CDH23: variants seen among roughly 807,000 people sequenced by gnomAD.
CDH23 encodes the protein cadherin-23.
CDH23 carries 189 observed loss-of-function variants against 317.1 expected under a neutral mutation model. The ratio of observed to expected loss-of-function variants is 0.60; its 90% CI spans 0.53 to 0.67. CDH23 has a LOEUF of 0.67. CDH23 is among the 30% of genes least tolerant of loss of function. CDH23 has a pLI of 0.00. For missense variants in CDH23, 4,401 were observed against 4,592.4 expected (o/e 0.96, Z 1.20); for synonymous variants, 1,839 against 1,876.8 (o/e 0.98, Z 0.52).
Position 71,740,922 on chromosome 10 carries a change from C to T in CDH23, c.4589C>T (p.Pro1530Leu), listed in dbSNP as rs554938323. ...INDNPPVIES[P>L]FGYNVSVNEN... The stretch of plus-strand genomic sequence containing the variant: ...GACAACCCTCCAGTCATCGAGAGCC[C>T]CTTTGGATACAATGTCAGTGTGAAT... The change falls in exon 37 of 70, where the codon CCC becomes CTC. Residue 1530 changes from proline to leucine, a missense_variant. Transcript: ENST00000224721. The T allele has an allele frequency of 5.7e-4, 917 of 1,613,946 alleles. 13 individuals are homozygous for T. In the South Asian group the frequency reaches 9.5e-3, roughly 17 times the overall value.
intron 17 of CDH23, among the ~76,000 whole-genome samples, chr10:71,680,851 CAG>C (rs1366325900): frequency 6.8e-5 from 4 of 58,708 alleles, no homozygotes; most frequent in Non-Finnish European, 1.0e-4. Context: ...TTTTTTGAGA[CAG>C]AGTTTTACTC....
At chr10:71,511,237 GA>G in intron 6 of CDH23, 25 bp downstream of exon 6, 2 of 1,592,592 alleles carry the variant, frequency 1.3e-6, no homozygotes, top group Non-Finnish European at 1.7e-6. Flanking sequence ...GGTTACCCTT[GA>G]GGGTATCAGA....
Position 71,805,972 on chromosome 10 carries a change from A to G in CDH23, c.8039A>G (p.Asp2680Gly). ...SGLIQTAQRL[D>G]RESQAVYSLI... ...CTCATCCAGACTGCTCAGCGCCTGG[A>G]CCGCGAGTCGCAGGCGGTGTACAGC... The change falls in exon 56 of 70, where the codon GAC (aspartate) becomes GGC (glycine). Residue 2680 changes from aspartate (D) to glycine (G), a missense_variant. Asp to Gly is a moderately conservative substitution (Grantham distance 94, BLOSUM62 -1). Coordinates refer to ENST00000224721, the MANE Select transcript of CDH23 (RefSeq NM_022124.6). The G allele has an allele frequency of 6.8e-7, 1 of 1,461,368 alleles. No homozygotes were observed. Among genetic ancestry groups the G allele is most frequent in the Non-Finnish European group, 9.2e-7 (1 of 1,087,442 alleles). The allele number at this position is 1,461,368 out of a possible 1,614,324, so 90.5% of individuals were successfully genotyped here.
chr10:71,565,305 A>G (rs1166041195), intron 6 of CDH23, among the ~76,000 whole-genome samples: 4 of 152,152 alleles, frequency 2.6e-5, no homozygotes, highest in African/African-American at 7.2e-5. Context: ...CGAAAATTGT[A>G]TTATCAGAGC....
intron 6 of CDH23, among the ~76,000 whole-genome samples, chr10:71,531,050 A>T (rs918288055): frequency 1.3e-5 from 2 of 152,148 alleles, no homozygotes; most frequent in Non-Finnish European, 2.9e-5. Context: ...AATTCCTCCT[A>T]TGTCAAGCTG....
chr10:71,755,407 G>C (rs769610380), intron 38 of CDH23: 45 of 1,613,374 alleles, frequency 2.8e-5, no homozygotes, highest in Non-Finnish European at 3.6e-5. Context: ...AGCAGGATGA[G>C]GGGGAGGCAG....
chr10:71,455,910 G>T (rs1315312441), intron 3 of CDH23, among the ~76,000 whole-genome samples: 6 of 152,198 alleles, frequency 3.9e-5, no homozygotes, highest in Non-Finnish European at 8.8e-5. Flanking sequence ...AGGGTCCCTA[G>T]TGAGTTACTG....
intron 39 of CDH23, 106 bp downstream of exon 39, chr10:71,778,007 G>A (rs1381382805): frequency 1.4e-6 from 2 of 1,443,472 alleles, no homozygotes; most frequent in Non-Finnish European, 1.9e-6. Context: ...CAGTCTAGGG[G>A]AAACTGTGGG....
chr10:71,411,851 A>T (rs1272686958), intron 1 of CDH23, among the ~76,000 whole-genome samples: 2 of 152,322 alleles, frequency 1.3e-5, no homozygotes, highest in East Asian at 3.9e-4. Flanking sequence ...TTCAGTGTGC[A>T]GTTCAGTGGC....
chr10:71,680,746 C>CAAAA (rs1234418702), intron 17 of CDH23, among the ~76,000 whole-genome samples: 1 of 15,930 alleles, frequency 6.3e-5, no homozygotes, highest in African/African-American at 1.7e-4. Context: ...CACTCCGTCT[C>CAAAA]AAAAAAAAAA....
intron 6 of CDH23, among the ~76,000 whole-genome samples, chr10:71,511,471 G>A (rs1228252815): frequency 6.7e-6 from 1 of 149,928 alleles, no homozygotes; most frequent in Non-Finnish European, 1.5e-5. Flanking sequence ...TCCAGCTGGA[G>A]TCAATGGTGG....
At chr10:71,776,942 G>A (rs1037659882) in intron 38 of CDH23, among the ~76,000 whole-genome samples, 1 of 152,236 alleles carries the variant, frequency 6.6e-6, no homozygotes, top group Non-Finnish European at 1.5e-5. Flanking sequence ...GCAGGAGCAA[G>A]AACCATTTCT....
chr10:71,668,062 G>C (rs1226378407), intron 14 of CDH23, among the ~76,000 whole-genome samples: 1 of 152,122 alleles, frequency 6.6e-6, no homozygotes, highest in Non-Finnish European at 1.5e-5. Flanking sequence ...GGATGGGGTG[G>C]AGTCCTTCTT....
At chr10:71,733,083 C>T (rs1839444047) in intron 32 of CDH23, among the ~76,000 whole-genome samples, 1 of 152,210 alleles carries the variant, frequency 6.6e-6, no homozygotes, top group Admixed American at 6.5e-5. Flanking sequence ...CTGGCTAAAT[C>T]AGAGTTCCCA....
chr10:71,613,172 A>G (rs1460250510), intron 9 of CDH23, among the ~76,000 whole-genome samples: 4 of 152,242 alleles, frequency 2.6e-5, no homozygotes, highest in African/African-American at 9.6e-5. Flanking sequence ...GAGAAGCACA[A>G]TAACTGTTTG....
intron 9 of CDH23, among the ~76,000 whole-genome samples, chr10:71,583,227 A>G (rs1418583497): frequency 1.5e-5 from 2 of 132,642 alleles, no homozygotes; most frequent in Non-Finnish European, 3.2e-5. Flanking sequence ...GTGGCCGGGC[A>G]GAGTGCACAG....
chr10:71,734,694 T>C (rs1338996724), intron 34 of CDH23, 36 bp downstream of exon 34: 4 of 1,348,234 alleles, frequency 3.0e-6, no homozygotes, highest in Non-Finnish European at 4.0e-6. Flanking sequence ...CCCTGTGCTG[T>C]TGGCTGTGGC....
At chr10:71,521,148 G>A (rs1237422049) in intron 6 of CDH23, among the ~76,000 whole-genome samples, 2 of 150,698 alleles carry the variant, frequency 1.3e-5, no homozygotes, top group Non-Finnish European at 3.0e-5. Flanking sequence ...GATGTCACCC[G>A]GGGCATAATC....
intron 3 of CDH23, among the ~76,000 whole-genome samples, chr10:71,482,072 C>A (rs1263624804): frequency 6.6e-6 from 1 of 152,196 alleles, no homozygotes; most frequent in Non-Finnish European, 1.5e-5. Context: ...AGGGCCTGGC[C>A]AAGTCCCTGG....
Sources: allele counts gnomAD v4.1 joint callset (sites outside exome capture counted in the v4.1 genomes callset), GRCh38; gene constraint gnomAD v4.1.1; transcripts MANE v1.5; gene names NCBI Gene and HGNC (gene_info 2026-07-23, HGNC 2026-07-21).